GINS3: variants seen among roughly 807,000 people sequenced by gnomAD.
The protein encoded by GINS3 is GINS complex subunit 3, also known as DNA replication complex GINS protein PSF3.
Under a neutral mutation model 20.0 loss-of-function variants are expected in GINS3, and 18 were observed. The observed-to-expected ratio is 0.90, with a 90% CI of 0.62 to 1.33. The LOEUF is 1.33. GINS3 is among the 40% of genes most tolerant of loss of function. The pLI is 0.00. For missense variants in GINS3, 254 were observed against 273.6 expected (o/e 0.93, Z 0.51); for synonymous variants, 109 against 107.0 (o/e 1.02, Z -0.12).
chr16:58,403,089 A>G lies in GINS3; in HGVS notation c.187-9A>G. The G allele has an allele frequency of 6.2e-7, 1 of 1,610,160 alleles. No homozygotes were observed. Among genetic ancestry groups the G allele is most frequent in the Non-Finnish European group, 8.5e-7 (1 of 1,176,462 alleles). On this transcript the variant is annotated splice_polypyrimidine_tract_variant and intron_variant, in intron 1 of 2. Coordinates refer to ENST00000318129, the MANE Select transcript of GINS3 (RefSeq NM_022770.4). ...CTGTTTTTAAAATCTACATTCATGCATGCTGCAGGGTTCCAAGCTTGAACT... is the reference window on the plus strand; with the variant it reads ...CTGTTTTTAAAATCTACATTCATGCGTGCTGCAGGGTTCCAAGCTTGAACT...
chr16:58,395,278 T>C (rs948146424), intron 1 of GINS3: 41 of 344,428 alleles, frequency 1.2e-4, no homozygotes, highest in Non-Finnish European at 1.8e-4. Flanking sequence ...TTTTCTTTTT[T>C]TTTTTTTTCT....
chr16:58,401,556 C>G (rs1023703002), intron 1 of GINS3, among the ~76,000 whole-genome samples: 1 of 152,138 alleles, frequency 6.6e-6, no homozygotes, highest in Non-Finnish European at 1.5e-5. Flanking sequence ...GCTGATTGGT[C>G]TGTTTTTACA....
At chr16:58,401,937 T>A (rs1274383688) in intron 1 of GINS3, among the ~76,000 whole-genome samples, 3 of 152,204 alleles carry the variant, frequency 2.0e-5, no homozygotes, top group Admixed American at 6.5e-5. Context: ...ATACCTTTTT[T>A]AATTTTGGAT....
intron 1 of GINS3, among the ~76,000 whole-genome samples, chr16:58,398,870 T>G (rs1315089685): frequency 1.3e-5 from 2 of 152,232 alleles, no homozygotes; most frequent in African/African-American, 4.8e-5. Flanking sequence ...AAGACCAATT[T>G]AACCATTCTG....
intron 1 of GINS3, among the ~76,000 whole-genome samples, chr16:58,397,170 G>A (rs1484336599): frequency 1.3e-5 from 2 of 151,352 alleles, no homozygotes; most frequent in African/African-American, 4.9e-5. Flanking sequence ...CTTCTCAGAC[G>A]GGGTGGTTGC....
At chr16:58,401,468 A>G (rs1232368705) in intron 1 of GINS3, among the ~76,000 whole-genome samples, 1 of 152,162 alleles carries the variant, frequency 6.6e-6, no homozygotes, top group Non-Finnish European at 1.5e-5. Context: ...GGCCCCACCC[A>G]CATCTTGCTG....
Position 58,392,793 on chromosome 16 carries a change from C to G in GINS3, c.186+6C>G. On this transcript the variant is annotated splice_donor_region_variant and intron_variant, in intron 1 of 2. Transcript: ENST00000318129. Reference sequence around the variant, plus strand: ...CTGACAACGCGGTCCCACAGGTGAGCCTTTGGGTGCGGGGTCCTGCCCGGA... The same window carrying G: ...CTGACAACGCGGTCCCACAGGTGAGGCTTTGGGTGCGGGGTCCTGCCCGGA... 6.3e-7 allele frequency: 1 copy of G among 1,592,624 alleles called. No homozygotes were observed. Among genetic ancestry groups the G allele is most frequent in the Non-Finnish European group, 8.5e-7 (1 of 1,171,582 alleles).
rs181413993 is a variant in GINS3, at chr16:58,404,764, G to T, written c.*35G>T. 1 of 1,449,950 alleles carries T rather than the reference G, an allele frequency of 6.9e-7. No individual in the cohort carries two copies. The highest frequency in any genetic ancestry group is 2.3e-5 in the East Asian group (1 of 43,102). The allele number at this position is 1,449,950 out of a possible 1,614,324, so 89.8% of individuals were successfully genotyped here. ...GAACACAGAATGGCTCCTCACAGAC[G>T]TATCCCTCCGTGTGTCCTTGATAGG... On this transcript the variant is annotated 3_prime_UTR_variant, in exon 3 of 3. Transcript: ENST00000318129.
chr16:58,402,093 A>G (rs1297583793), intron 1 of GINS3, among the ~76,000 whole-genome samples: 3 of 151,988 alleles, frequency 2.0e-5, no homozygotes, highest in East Asian at 3.9e-4. Context: ...TTCTCTAGAT[A>G]CTTTAGTCTG....
At chr16:58,400,599 G>A (rs1206265223) in intron 1 of GINS3, among the ~76,000 whole-genome samples, 1 of 152,198 alleles carries the variant, frequency 6.6e-6, no homozygotes, top group African/African-American at 2.4e-5. Flanking sequence ...CAACCTTGCA[G>A]CAGGCCTTGC....
chr16:58,396,410 C>T (rs1394748562), intron 1 of GINS3, among the ~76,000 whole-genome samples: 2 of 119,750 alleles, frequency 1.7e-5, no homozygotes, highest in East Asian at 2.6e-4. Flanking sequence ...CCACCTCCCT[C>T]CCGGACGGGG....
At chr16:58,396,829 A>C (rs1355940690) in intron 1 of GINS3, among the ~76,000 whole-genome samples, 2 of 108,918 alleles carry the variant, frequency 1.8e-5, no homozygotes, top group African/African-American at 3.7e-5. Context: ...ACTTCCCAGT[A>C]GGGGCGGCCG....
intron 1 of GINS3, among the ~76,000 whole-genome samples, chr16:58,396,286 G>A (rs1277542915): frequency 1.5e-5 from 2 of 129,624 alleles, no homozygotes; most frequent in Non-Finnish European, 1.6e-5. Flanking sequence ...CCTCCCTCCC[G>A]GACGGGGCGG....
intron 1 of GINS3, among the ~76,000 whole-genome samples, chr16:58,396,928 C>T (rs1362600769): frequency 4.7e-5 from 7 of 148,528 alleles, no homozygotes; most frequent in Non-Finnish European, 9.0e-5. Context: ...GGCGGCTGGC[C>T]GGGCAGAGGT....
In GINS3 at chr16:58,403,277, G is replaced by C. The variant is rs1965981962; in HGVS notation, c.366G>C (p.Gln122His). The change falls in exon 2 of 3, where the codon CAG (glutamine) becomes CAC (histidine). Residue 122 changes from glutamine to histidine, a missense_variant. Coordinates refer to ENST00000318129, the MANE Select transcript of GINS3 (RefSeq NM_022770.4). ...MGPHFYGFGS[Q>H]LLHFDSPENA... is the part of the protein sequence containing the mutation. ...CCCATTTCTACGGGTTTGGCTCCCA[G>C]CTCCTGCATTTTGACAGTCCCGAGA... 6.2e-7 allele frequency: 1 copy of C among 1,614,120 alleles called. No homozygotes were observed. Among genetic ancestry groups the C allele is most frequent in the Non-Finnish European group, 8.5e-7 (1 of 1,180,032 alleles).
chr16:58,403,175 C>T lies in GINS3; in HGVS notation c.264C>T (p.Leu88=). 1 of 1,614,196 alleles carries T rather than the reference C, an allele frequency of 6.2e-7. No individual in the cohort carries two copies. The highest frequency in any genetic ancestry group is 1.1e-5 in the South Asian group (1 of 91,080). The change falls in exon 2 of 3, where the codon CTC becomes CTT. Residue 88 remains leucine (L), a synonymous_variant. Coordinates refer to ENST00000318129, the MANE Select transcript of GINS3 (RefSeq NM_022770.4). ...AGCGACGGATCCTTTCTGTGGAACT[C>T]CCCAAGATCTACCAAGAGGGTTGGA... ...DNKRRILSVE[L]PKIYQEGWRT... is the part of the protein sequence containing the mutation.
Position 58,404,800 on chromosome 16 carries a change from C to T in GINS3, c.*71C>T, listed in dbSNP as rs1966007654. ...TGTGTCCTTGATAGGAGCTGGTTGA[C>T]CTTGTACAGAACCAGAATCCTGTCC... On this transcript the variant is annotated 3_prime_UTR_variant, in exon 3 of 3. Coordinates refer to ENST00000318129, the MANE Select transcript of GINS3 (RefSeq NM_022770.4). The T allele has an allele frequency of 9.2e-7, 1 of 1,085,320 alleles. No homozygotes were observed. The highest frequency in any genetic ancestry group is 1.6e-5 in the African/African-American group (1 of 64,084). The allele number at this position is 1,085,320 out of a possible 1,614,324, so 67.2% of individuals were successfully genotyped here. A position where few individuals can be genotyped will look rare whatever the true frequency, so the allele number is the denominator to read the frequency against.
intron 2 of GINS3, 69 bp from the exon 3 acceptor site, chr16:58,404,430 G>A (rs1163301619): frequency 1.0e-6 from 1 of 983,106 alleles, no homozygotes; most frequent in Admixed American, 1.9e-5. Context: ...AATGTTCTGA[G>A]ATAAAAATGG....
intron 1 of GINS3, among the ~76,000 whole-genome samples, chr16:58,396,608 C>CG (rs1237619816): frequency 9.8e-5 from 1 of 10,194 alleles, no homozygotes; most frequent in Non-Finnish European, 1.8e-4. Context: ...GCTGGCCGGG[C>CG]GGGGGGCTGA....
Sources: allele counts gnomAD v4.1 joint callset (sites outside exome capture counted in the v4.1 genomes callset), GRCh38; gene constraint gnomAD v4.1.1; transcripts MANE v1.5; gene names NCBI Gene and HGNC (gene_info 2026-07-23, HGNC 2026-07-21).